The following EXOC6B variants were observed in gnomAD, a reference collection of about 807,000 sequenced individuals.
EXOC6B encodes the protein exocyst complex component 6B.
EXOC6B carries 54 observed loss-of-function variants against 113.5 expected under a neutral mutation model. The ratio of observed to expected loss-of-function variants is 0.48; its 90% CI spans 0.38 to 0.60. EXOC6B has a LOEUF of 0.60. Ranked by LOEUF, EXOC6B falls within the 20% of genes least tolerant of loss-of-function variation. EXOC6B has a pLI of 0.00. For missense variants in EXOC6B, 797 were observed against 977.5 expected (o/e 0.82, Z 2.46); for synonymous variants, 357 against 339.0 (o/e 1.05, Z -0.58).
At chr2:72,288,618 T>A (rs1437630075) in intron 20 of EXOC6B, among the ~76,000 whole-genome samples, 1 of 152,074 alleles carries the variant, frequency 6.6e-6, no homozygotes, top group African/African-American at 2.4e-5. Context: ...AGATACTATA[T>A]AATCCCACTA....
intron 6 of EXOC6B, among the ~76,000 whole-genome samples, chr2:72,595,262 AAT>A (rs917310250): frequency 1.5e-3 from 217 of 147,602 alleles, no homozygotes; most frequent in Non-Finnish European, 2.6e-3. Context: ...TTCTGTCTCA[AAT>A]ATATATATAT....
At chr2:72,260,075 CAGAG>C (rs924304886) in intron 20 of EXOC6B, among the ~76,000 whole-genome samples, 7 of 149,804 alleles carry the variant, frequency 4.7e-5, no homozygotes, top group African/African-American at 7.4e-5. Context: ...GAGAAAGAGA[CAGAG>C]AGAGAGAGAG....
In EXOC6B at chr2:72,606,117, C is replaced by T. The variant is rs191105155; in HGVS notation, c.670-30449G>A. ...TTCTCAGAGACTTAGTTATTATGCA[C>T]TAACATAATTTATTTTCTACATAGG... On this transcript the variant is annotated intron_variant, in intron 6 of 21. Coordinates refer to ENST00000272427, the MANE Select transcript of EXOC6B (RefSeq NM_015189.3). Among the ~76,000 whole-genome samples, 17 of 152,236 alleles carry T rather than the reference C, an allele frequency of 1.1e-4. No homozygotes were observed. In the East Asian group the frequency reaches 3.1e-3, roughly 28 times the overall value.
chr2:72,580,135 ATTTTTTTTTT>A (rs1205164863), intron 6 of EXOC6B, among the ~76,000 whole-genome samples: 2 of 93,764 alleles, frequency 2.1e-5, no homozygotes, highest in African/African-American at 9.0e-5. Context: ...AGAAATAAGA[ATTTTTTTTTT>A]TTTTTTTTTT....
At chr2:72,767,819 A>AAAAAAAAAAAAAAAG (rs1683169829) in intron 1 of EXOC6B, among the ~76,000 whole-genome samples, 1 of 135,850 alleles carries the variant, frequency 7.4e-6, no homozygotes, top group Non-Finnish European at 1.6e-5. Flanking sequence ...AAAAAAAAAA[A>AAAAAAAAAAAAAAAG]AAAAAAAAAA....
intron 16 of EXOC6B, among the ~76,000 whole-genome samples, chr2:72,487,896 T>TA (rs1699524061): frequency 6.6e-6 from 1 of 152,202 alleles, no homozygotes; most frequent in South Asian, 2.1e-4. Flanking sequence ...TTCTTCACTG[T>TA]AAGGTTACTT....
chr2:72,773,796 T>C (rs953568373), intron 1 of EXOC6B, among the ~76,000 whole-genome samples: 2 of 152,178 alleles, frequency 1.3e-5, no homozygotes, highest in East Asian at 1.9e-4. Flanking sequence ...ATTCAACCTA[T>C]GGCAATGCGC....
chr2:72,413,177 G>A (rs1036945434), intron 18 of EXOC6B, among the ~76,000 whole-genome samples: 6 of 151,556 alleles, frequency 4.0e-5, no homozygotes, highest in Non-Finnish European at 7.4e-5. Context: ...TAGCCAGGAT[G>A]GTCTTGATCT....
chr2:72,285,337 T>C (rs567486724), intron 20 of EXOC6B, among the ~76,000 whole-genome samples: 2 of 151,958 alleles, frequency 1.3e-5, no homozygotes, highest in South Asian at 2.1e-4. Context: ...CAGAAAAATA[T>C]ATATAAAAAA....
intron 7 of EXOC6B, among the ~76,000 whole-genome samples, chr2:72,567,621 T>C (rs1704261097): frequency 6.6e-6 from 1 of 152,026 alleles, no homozygotes; most frequent in Non-Finnish European, 1.5e-5. Context: ...GTAAAAGAAA[T>C]TAGAACTCTC....
intron 6 of EXOC6B, among the ~76,000 whole-genome samples, chr2:72,708,001 T>C (rs1407780934): frequency 6.6e-6 from 1 of 152,038 alleles, no homozygotes; most frequent in Non-Finnish European, 1.5e-5. Context: ...GGAAATGTGC[T>C]GAAAGAATTC....
chr2:72,492,428 A>G lies in EXOC6B; in HGVS notation c.1555T>C (p.Ser519Pro). 1.9e-6 allele frequency: 3 copies of G among 1,608,704 alleles called. No individual in the cohort carries two copies. The highest frequency in any genetic ancestry group is 2.6e-6 in the Non-Finnish European group (3 of 1,175,522). The part of the protein sequence containing the change: ...LKFSEDLHLS[S>P]TEVDDMIRKS... ...CGAATCATGTCATCAACTTCAGTTGAGCTGAAAAAGAAGCATTAAGAGTCA... is the reference window on the plus strand; with the variant it reads ...CGAATCATGTCATCAACTTCAGTTGGGCTGAAAAAGAAGCATTAAGAGTCA... The change falls in exon 16 of 22, where the codon TCA becomes CCA. Residue 519 changes from serine (S) to proline (P), a missense_variant and splice_region_variant. Transcript: ENST00000272427.
At chr2:72,657,218 C>G (rs1674644904) in intron 6 of EXOC6B, among the ~76,000 whole-genome samples, 1 of 139,370 alleles carries the variant, frequency 7.2e-6, no homozygotes, top group Non-Finnish European at 1.5e-5. Context: ...CATATTACCA[C>G]AACTGTCTTT....
intron 17 of EXOC6B, among the ~76,000 whole-genome samples, chr2:72,477,917 AT>A (rs1000377347): frequency 5.3e-5 from 8 of 151,730 alleles, no homozygotes; most frequent in African/African-American, 1.9e-4. Flanking sequence ...ATTACATTAG[AT>A]TTTTTTGTTT....
chr2:72,759,297 T>C (rs1171667086), intron 1 of EXOC6B, among the ~76,000 whole-genome samples: 1 of 152,192 alleles, frequency 6.6e-6, no homozygotes, highest in Non-Finnish European at 1.5e-5. Flanking sequence ...TCAAGCATGG[T>C]CAAATGAGAA....
chr2:72,410,255 T>C (rs1349309289), intron 18 of EXOC6B, among the ~76,000 whole-genome samples: 1 of 152,248 alleles, frequency 6.6e-6, no homozygotes, highest in African/African-American at 2.4e-5. Context: ...TTATATGTCA[T>C]AGATCAGCAA....
chr2:72,496,973 ATTATTATTAT>A (rs1456785833), intron 13 of EXOC6B, among the ~76,000 whole-genome samples: 3 of 146,924 alleles, frequency 2.0e-5, no homozygotes, highest in Non-Finnish European at 3.0e-5. Flanking sequence ...TATTATTATT[ATTATTATTAT>A]TATTATTAGA....
At chr2:72,516,918 A>G (rs1701239244) in intron 8 of EXOC6B, among the ~76,000 whole-genome samples, 1 of 152,220 alleles carries the variant, frequency 6.6e-6, no homozygotes, top group Non-Finnish European at 1.5e-5. Flanking sequence ...CCCACCTAAA[A>G]AAAGTATAAA....
chr2:72,698,328 T>G (rs1247079352), intron 6 of EXOC6B, among the ~76,000 whole-genome samples: 1 of 152,194 alleles, frequency 6.6e-6, no homozygotes. Context: ...CAAGAGAATT[T>G]CTGCCTAATA....
Sources: gnomAD v4.1 joint callset for allele counts (sites outside exome capture counted in the v4.1 genomes callset) on GRCh38, gnomAD v4.1.1 for gene constraint, MANE v1.5 for transcripts, NCBI Gene and HGNC (gene_info 2026-07-23, HGNC 2026-07-21) for gene names.